The following EMCN variants were observed in gnomAD, a reference collection of about 807,000 sequenced individuals.
EMCN encodes the protein endomucin.
EMCN carries 37 observed loss-of-function variants against 38.4 expected under a neutral mutation model. The observed-to-expected ratio is 0.96, with a 90% CI of 0.74 to 1.27. EMCN has a LOEUF of 1.27. EMCN is among the 50% of genes most tolerant of loss of function. The probability of loss-of-function intolerance (pLI) is 0.00; values close to 1 mark genes in which losing one functional copy is unlikely to be tolerated. For missense variants in EMCN, 318 were observed against 302.8 expected, an observed-to-expected ratio of 1.05 and a Z score of -0.37; for synonymous variants, 95 against 100.8, an observed-to-expected ratio of 0.94 and a Z score of 0.35.
intron 4 of EMCN, among the ~76,000 whole-genome samples, chr4:100,448,472 C>G (rs948612766): frequency 2.6e-5 from 4 of 152,104 alleles, no homozygotes; most frequent in Non-Finnish European, 4.4e-5. Context: ...CATTTGTTTT[C>G]CAGTTGCACA....
intron 5 of EMCN, among the ~76,000 whole-genome samples, chr4:100,445,387 A>G (rs1470186617): frequency 1.1e-4 from 17 of 152,196 alleles, no homozygotes. Flanking sequence ...ATCAATTTCT[A>G]GACGCTTAAT....
rs188130445 is a variant in EMCN at position 100,449,834 on chromosome 4, A to G, written c.377-2263T>C. ...GTAAGAGGTTTGGACATTTATATAT[A>G]TAAATGAATACATTGATATTTTGAG... On this transcript the variant is annotated intron_variant, in intron 4 of 11. Coordinates refer to ENST00000296420, the MANE Select transcript of EMCN (RefSeq NM_016242.4). 2.6e-5 allele frequency among the ~76,000 whole-genome samples: 4 copies of G among 152,192 alleles called. No individual in the cohort carries two copies. The East Asian group carries it at 7.7e-4, about 29-fold the overall frequency.
rs139694556 is a variant in EMCN, at chr4:100,431,664, G to A, written c.416-8260C>T. Among the ~76,000 whole-genome samples the A allele has an allele frequency of 1.0e-3, 155 of 152,030 alleles. 1 individual carries two copies. The highest frequency in any genetic ancestry group is 3.7e-3 in the African/African-American group (152 of 41,476). ...CAGGCTGGCATTACTCCATCAGCTG[G>A]CCTGAGTCTTTAGACCTCTCAGCCT... On this transcript the variant is annotated intron_variant, in intron 5 of 11. Transcript: ENST00000296420.
chr4:100,492,930 T>C (rs1342581182), intron 1 of EMCN, among the ~76,000 whole-genome samples: 1 of 152,196 alleles, frequency 6.6e-6, no homozygotes, highest in East Asian at 1.9e-4. Flanking sequence ...TTAACCTTTT[T>C]AGCCTCAGTT....
intron 7 of EMCN, 139 bp from the exon 8 acceptor site, chr4:100,421,516 C>T (rs1024229904): frequency 7.3e-6 from 5 of 682,346 alleles, no homozygotes; most frequent in Non-Finnish European, 1.3e-5. Flanking sequence ...GGCAAAGATT[C>T]CTCTGATTCA....
intron 3 of EMCN, among the ~76,000 whole-genome samples, chr4:100,473,524 G>T (rs997569842): frequency 2.0e-5 from 3 of 151,828 alleles, no homozygotes; most frequent in Admixed American, 6.6e-5. Context: ...GACAACTCAC[G>T]ATATAAACAA....
intron 5 of EMCN, among the ~76,000 whole-genome samples, chr4:100,437,104 T>C (rs992126309): frequency 6.6e-6 from 1 of 152,212 alleles, no homozygotes; most frequent in African/African-American, 2.4e-5. Flanking sequence ...CTTTTGACTT[T>C]TTGATAATAT....
At chr4:100,449,229 A>G (rs1727770790) in intron 4 of EMCN, among the ~76,000 whole-genome samples, 1 of 152,148 alleles carries the variant, frequency 6.6e-6, no homozygotes, top group South Asian at 2.1e-4. Context: ...TCCTAGTTGG[A>G]TAATTATAGT....
intron 6 of EMCN, 66 bp from the exon 7 acceptor site, chr4:100,423,146 A>G (rs1353285220): frequency 8.7e-6 from 13 of 1,496,206 alleles, no homozygotes; most frequent in Admixed American, 3.4e-5. Flanking sequence ...TCCTCCCTCC[A>G]CCCTCATTTA....
chr4:100,461,434 T>C (rs1404381519), intron 4 of EMCN, among the ~76,000 whole-genome samples: 1 of 152,206 alleles, frequency 6.6e-6, no homozygotes, highest in African/African-American at 2.4e-5. Flanking sequence ...GTCTGTCTAA[T>C]ATACAACGAT....
At chr4:100,517,308 A>G (rs1481437773) in intron 1 of EMCN, among the ~76,000 whole-genome samples, 3 of 152,100 alleles carry the variant, frequency 2.0e-5, no homozygotes, top group Non-Finnish European at 4.4e-5. Flanking sequence ...GCAAAAATCT[A>G]TAGACTGTAA....
intron 4 of EMCN, among the ~76,000 whole-genome samples, chr4:100,456,458 T>C (rs1728019806): frequency 6.6e-6 from 1 of 152,208 alleles, no homozygotes; most frequent in Non-Finnish European, 1.5e-5. Flanking sequence ...GATATATGCA[T>C]TTTAGAGCTA....
intron 5 of EMCN, among the ~76,000 whole-genome samples, chr4:100,434,652 C>A (rs985765404): frequency 2.0e-5 from 3 of 152,072 alleles, no homozygotes; most frequent in African/African-American, 7.2e-5. Context: ...CCGAATCCAG[C>A]AGCACATCAA....
At chr4:100,424,057 G>C (rs1162684263) in intron 5 of EMCN, among the ~76,000 whole-genome samples, 1 of 151,210 alleles carries the variant, frequency 6.6e-6, no homozygotes, top group Non-Finnish European at 1.5e-5. Context: ...ATCGTTATTT[G>C]TTTGTTTAGT....
chr4:100,479,910 A>C lies in EMCN; in HGVS notation c.187+7T>G, dbSNP rs1410667515. 6.2e-7 allele frequency: 1 copy of C among 1,601,768 alleles called. No individual in the cohort carries two copies. The highest frequency in any genetic ancestry group is 1.7e-5 in the Admixed American group (1 of 57,346). On this transcript the variant is annotated splice_region_variant and intron_variant, in intron 2 of 11. Transcript: ENST00000296420. ...GTTAAACTAAATTTACTAACAGTTA[A>C]TCCTACCTTTAGGAGTTGTTCCAGT...
intron 10 of EMCN, among the ~76,000 whole-genome samples, chr4:100,413,359 C>T (rs1726618329): frequency 6.6e-6 from 1 of 151,910 alleles, no homozygotes; most frequent in Non-Finnish European, 1.5e-5. Flanking sequence ...TCAAACCTAA[C>T]CATTTAAGTT....
At chr4:100,473,743 G>A (rs573203221) in intron 3 of EMCN, 1 of 152,306 alleles carries the variant, frequency 6.6e-6, no homozygotes, top group Non-Finnish European at 1.5e-5. Flanking sequence ...CGATTCTACA[G>A]CCCTTTAGCA....
intron 1 of EMCN, chr4:100,483,484 G>T (rs558381011): frequency 2.6e-5 from 4 of 152,080 alleles, no homozygotes; most frequent in South Asian, 2.1e-4. Flanking sequence ...AGACAAAATA[G>T]TTCACTATTT....
At chr4:100,468,181 C>T (rs1728376364) in intron 3 of EMCN, among the ~76,000 whole-genome samples, 1 of 152,074 alleles carries the variant, frequency 6.6e-6, no homozygotes, top group Admixed American at 6.6e-5. Context: ...GTATCAGTAC[C>T]AGATTGTAAA....
Sources: gnomAD v4.1 joint callset for allele counts (sites outside exome capture counted in the v4.1 genomes callset) on GRCh38, gnomAD v4.1.1 for gene constraint, MANE v1.5 for transcripts, NCBI Gene and HGNC (gene_info 2026-07-23, HGNC 2026-07-21) for gene names.